The following TNKS variants were observed in gnomAD, a reference collection of about 807,000 sequenced individuals.
TNKS encodes the protein poly [ADP-ribose] polymerase tankyrase-1.
Under a neutral mutation model 135.8 loss-of-function variants are expected in TNKS, and 72 were observed. The observed-to-expected ratio is 0.53, with a 90% confidence interval of 0.44 to 0.64. TNKS has a LOEUF of 0.64. Ranked by LOEUF, TNKS falls within the 30% of genes least tolerant of loss-of-function variation. TNKS has a pLI of 0.00. For synonymous variants in TNKS, 849 were observed against 649.3 expected, an observed-to-expected ratio of 1.31 and a Z score of -4.68; for missense variants, 1,769 against 1,674.0, an observed-to-expected ratio of 1.06 and a Z score of -0.99.
intron 3 of TNKS, among the ~76,000 whole-genome samples, chr8:9,626,406 C>T (rs778810601): frequency 1.3e-5 from 2 of 152,174 alleles, no homozygotes; most frequent in African/African-American, 2.4e-5. Flanking sequence ...TGGCAAATTC[C>T]TCACGTCTAG....
chr8:9,556,117 C>A lies in TNKS; in HGVS notation c.178C>A (p.Arg60=). ...CGGCCTGGCCCCCTTCGCCTCCCCG[C>A]GGCACGGCCTAGCGCTGCCGGAGGG... ...ASGLAPFASP[R]HGLALPEGDG... is the part of the protein sequence containing the mutation. Residue 60 remains arginine, a synonymous_variant, in exon 1 of 27, where the codon CGG becomes AGG. Coordinates refer to ENST00000310430, the MANE Select transcript of TNKS (RefSeq NM_003747.3). 1.2e-6 allele frequency: 2 copies of A among 1,601,068 alleles called. No homozygotes were observed. Among genetic ancestry groups the A allele is most frequent in the African/African-American group, 1.3e-5 (1 of 74,824 alleles).
In TNKS at chr8:9,720,543, G is replaced by T; in HGVS notation, c.1919G>T (p.Ser640Ile). 1.2e-6 allele frequency: 2 copies of T among 1,611,080 alleles called. No individual in the cohort carries two copies. The highest frequency in any genetic ancestry group is 4.5e-5 in the East Asian group (2 of 44,688). ...AATGAAGCAGTGCAGCAGATTCTGA[G>T]TGGTGAGTTAAAATAGACCAACAGG... Reference protein sequence around the residue: ...MGNEAVQQILSESTPIRTSDV... With the variant: ...MGNEAVQQILIESTPIRTSDV... Residue 640 changes from serine to isoleucine, a missense_variant and splice_region_variant, in exon 12 of 27, where the codon AGT (serine) becomes ATT (isoleucine). Coordinates refer to ENST00000310430, the MANE Select transcript of TNKS (RefSeq NM_003747.3).
At chr8:9,602,623 T>C (rs1799060994) in intron 2 of TNKS, among the ~76,000 whole-genome samples, 1 of 152,204 alleles carries the variant, frequency 6.6e-6, no homozygotes, top group African/African-American at 2.4e-5. Context: ...CAGCAAAGAA[T>C]TAGCTGGTCA....
intron 1 of TNKS, among the ~76,000 whole-genome samples, chr8:9,568,472 C>T (rs761535005): frequency 9.9e-5 from 15 of 151,038 alleles, no homozygotes; most frequent in Non-Finnish European, 1.8e-4. Flanking sequence ...GGAGACTTAC[C>T]GTATGAAAAA....
rs1024179042 is a variant in TNKS at position 9,573,076 on chromosome 8, A to C, written c.674-7083A>C. On this transcript the variant is annotated intron_variant, in intron 1 of 26. Transcript: ENST00000310430. ...AAGCCATTCTCATATTTTAGATTCT[A>C]GTTTTTCTTAATGTTTCTAAAGATA... is the stretch of plus-strand genomic sequence containing the variant. Among the ~76,000 whole-genome samples the C allele has an allele frequency of 4.6e-5, 7 of 152,218 alleles. No homozygotes were observed. In the South Asian group the frequency reaches 1.4e-3, roughly 32 times the overall value.
chr8:9,648,525 C>T (rs911368970), intron 3 of TNKS, among the ~76,000 whole-genome samples: 2 of 152,144 alleles, frequency 1.3e-5, no homozygotes, highest in South Asian at 2.1e-4. Context: ...GAAAGGTCTT[C>T]GTGGACAATA....
intron 2 of TNKS, among the ~76,000 whole-genome samples, chr8:9,603,119 C>G (rs1358910619): frequency 2.0e-5 from 3 of 151,986 alleles, no homozygotes; most frequent in Admixed American, 6.6e-5. Context: ...GTGGCGCGAT[C>G]TTGGCTCACT....
At chr8:9,702,284 A>G (rs532461319) in intron 5 of TNKS, among the ~76,000 whole-genome samples, 26 of 152,220 alleles carry the variant, frequency 1.7e-4, no homozygotes, top group South Asian at 4.1e-4. Context: ...GCAAGCTCCA[A>G]TTGTGGGCAT....
chr8:9,706,071 C>G, intron 6 of TNKS, 116 bp from the exon 7 acceptor site: 1 of 575,552 alleles, frequency 1.7e-6, no homozygotes, highest in East Asian at 3.8e-5. Context: ...TTATTAAATA[C>G]TTTTAAATAT....
At chr8:9,619,956 AT>A (rs397892862) in intron 3 of TNKS, among the ~76,000 whole-genome samples, 113 of 141,636 alleles carry the variant, frequency 8.0e-4, no homozygotes, top group East Asian at 4.3e-3. Context: ...ATTTTTATTT[AT>A]TTTTTTTTTT....
intron 3 of TNKS, among the ~76,000 whole-genome samples, chr8:9,646,336 A>T (rs1800919035): frequency 6.6e-6 from 1 of 152,092 alleles, no homozygotes; most frequent in Admixed American, 6.6e-5. Context: ...AATATATTAA[A>T]TATAACTTTT....
intron 2 of TNKS, among the ~76,000 whole-genome samples, chr8:9,584,893 G>T (rs1298951247): frequency 6.6e-6 from 1 of 152,190 alleles, no homozygotes; most frequent in African/African-American, 2.4e-5. Context: ...TAACAGAGGT[G>T]TATGGTGTTC....
At chr8:9,762,453 G>A (rs982593335) in intron 21 of TNKS, among the ~76,000 whole-genome samples, 3 of 152,128 alleles carry the variant, frequency 2.0e-5, no homozygotes, top group African/African-American at 7.2e-5. Flanking sequence ...GTTTTTAGAG[G>A]ATAATTTTTA....
At chr8:9,637,870 C>G (rs1016078771) in intron 3 of TNKS, among the ~76,000 whole-genome samples, 1 of 152,172 alleles carries the variant, frequency 6.6e-6, no homozygotes, top group Non-Finnish European at 1.5e-5. Context: ...ATATGTACTA[C>G]TATCACCAAA....
intron 3 of TNKS, among the ~76,000 whole-genome samples, chr8:9,670,363 T>C (rs1013252604): frequency 1.3e-5 from 2 of 152,206 alleles, no homozygotes; most frequent in African/African-American, 4.8e-5. Flanking sequence ...ATTTAGGTCA[T>C]CTTAAAATTA....
At chr8:9,745,339 A>C (rs959153928) in intron 17 of TNKS, among the ~76,000 whole-genome samples, 14 of 152,210 alleles carry the variant, frequency 9.2e-5, no homozygotes, top group African/African-American at 3.4e-4. Flanking sequence ...ATCACAAAAC[A>C]TCCTGTTCTG....
chr8:9,740,826 G>GTTTTTTTTTTTTTTTTT (rs66865048), intron 17 of TNKS: 1 of 103,566 alleles, frequency 9.7e-6, no homozygotes, highest in Non-Finnish European at 1.8e-5. Flanking sequence ...AATTCTTGTT[G>GTTTTTTTTTTTTTTTTT]TTTTTTTTTT....
chr8:9,697,015 A>G (rs1375235748), intron 5 of TNKS, among the ~76,000 whole-genome samples: 1 of 152,186 alleles, frequency 6.6e-6, no homozygotes, highest in Non-Finnish European at 1.5e-5. Flanking sequence ...GCAAAAAACA[A>G]AGCCAGAGGC....
intron 3 of TNKS, among the ~76,000 whole-genome samples, chr8:9,649,445 A>C (rs1801050261): frequency 6.6e-6 from 1 of 152,252 alleles, no homozygotes; most frequent in South Asian, 2.1e-4. Context: ...ACTGAAGAAG[A>C]AATGAATAAT....
Sources: allele counts gnomAD v4.1 joint callset (sites outside exome capture counted in the v4.1 genomes callset), GRCh38; gene constraint gnomAD v4.1.1; transcripts MANE v1.5; gene names NCBI Gene and HGNC (gene_info 2026-07-23, HGNC 2026-07-21).